Variants in ADCY2 observed in about 807,000 individuals in gnomAD.
ADCY2 encodes adenylate cyclase 2.
Under a neutral mutation model 125.2 loss-of-function variants are expected in ADCY2, and 31 were observed. That is an observed-to-expected ratio of 0.25 (90% CI 0.19 to 0.33). The LOEUF (loss-of-function observed/expected upper bound fraction) is 0.33, where lower values mean the gene tolerates loss of function less well. Among genes scored for constraint, ADCY2 ranks in the 10% least tolerant of loss-of-function variants. The probability of loss-of-function intolerance (pLI) is 1.00; values close to 1 mark genes in which losing one functional copy is unlikely to be tolerated. For synonymous variants in ADCY2, 512 were observed against 548.4 expected, an observed-to-expected ratio of 0.93 and a Z score of 0.93; for missense variants, 904 against 1,418.2, an observed-to-expected ratio of 0.64 and a Z score of 5.82.
At chr5:7,521,721 T>C (rs139935334) in intron 3 of ADCY2, among the ~76,000 whole-genome samples, 2 of 152,336 alleles carry the variant, frequency 1.3e-5, no homozygotes, top group Admixed American at 1.3e-4. Flanking sequence ...TTCTTTCACG[T>C]GATGTGCTAT....
chr5:7,419,280 C>G (rs1203458733), intron 2 of ADCY2, among the ~76,000 whole-genome samples: 14 of 152,078 alleles, frequency 9.2e-5, no homozygotes, highest in Non-Finnish European at 1.9e-4. Context: ...GAACTTGTGA[C>G]AGCCGTTATC....
intron 2 of ADCY2, among the ~76,000 whole-genome samples, chr5:7,508,047 T>C (rs1743909606): frequency 6.6e-6 from 1 of 152,178 alleles, no homozygotes; most frequent in Non-Finnish European, 1.5e-5. Context: ...TATTTCACTT[T>C]TTTCAGTTCT....
chr5:7,474,092 G>C (rs1340856592), intron 2 of ADCY2, among the ~76,000 whole-genome samples: 1 of 152,178 alleles, frequency 6.6e-6, no homozygotes, highest in Non-Finnish European at 1.5e-5. Context: ...TTCAAGGAAT[G>C]GTATGAATTT....
chr5:7,405,961 G>A (rs1000453079), intron 1 of ADCY2, among the ~76,000 whole-genome samples: 8 of 152,086 alleles, frequency 5.3e-5, no homozygotes, highest in African/African-American at 1.7e-4. Flanking sequence ...CTGGGCTCAA[G>A]TTATCCTCCC....
At chr5:7,719,523 A>G (rs1741696870) in intron 12 of ADCY2, among the ~76,000 whole-genome samples, 1 of 152,152 alleles carries the variant, frequency 6.6e-6, no homozygotes, top group East Asian at 1.9e-4. Context: ...TGTACCATTC[A>G]CTTGTTTCCT....
chr5:7,752,869 T>A (rs944782350), intron 15 of ADCY2, among the ~76,000 whole-genome samples: 1 of 149,800 alleles, frequency 6.7e-6, no homozygotes, highest in Non-Finnish European at 1.5e-5. Flanking sequence ...GTTGTCCCCA[T>A]CATCAATTCT....
At chr5:7,768,357 A>G (rs1316450696) in intron 17 of ADCY2, among the ~76,000 whole-genome samples, 2 of 152,138 alleles carry the variant, frequency 1.3e-5, no homozygotes, top group African/African-American at 4.8e-5. Context: ...TTAGAGAAAT[A>G]TTTAAATTAA....
At chr5:7,595,766 G>A (rs1579612237) in intron 3 of ADCY2, among the ~76,000 whole-genome samples, 1 of 151,982 alleles carries the variant, frequency 6.6e-6, no homozygotes, top group South Asian at 2.1e-4. Flanking sequence ...CATCCTCTTG[G>A]ATACATTAAA....
chr5:7,518,665 T>C (rs1446129370), intron 2 of ADCY2, among the ~76,000 whole-genome samples: 1 of 152,178 alleles, frequency 6.6e-6, no homozygotes, highest in Non-Finnish European at 1.5e-5. Context: ...AGATGGTCCA[T>C]GCCCAATCTA....
chr5:7,563,402 A>C (rs1024956504), intron 3 of ADCY2, among the ~76,000 whole-genome samples: 4 of 152,168 alleles, frequency 2.6e-5, no homozygotes, highest in African/African-American at 9.7e-5. Context: ...AGTCCACAGA[A>C]GCTTCTGTGA....
chr5:7,641,849 C>CA (rs145963302), intron 4 of ADCY2, among the ~76,000 whole-genome samples: 31,200 of 152,050 alleles, frequency 0.21, 3,642 homozygotes, highest in East Asian at 0.44. Context: ...CTGGAAAGGA[C>CA]TGATTTTATT....
chr5:7,647,313 C>T (rs144698827), intron 4 of ADCY2, among the ~76,000 whole-genome samples: 1 of 152,192 alleles, frequency 6.6e-6, no homozygotes, highest in East Asian at 1.9e-4. Flanking sequence ...GAAATCTTCC[C>T]GAGACAAATT....
At chr5:7,748,565 A>C (rs76269080) in intron 15 of ADCY2, among the ~76,000 whole-genome samples, 4 of 122,002 alleles carry the variant, frequency 3.3e-5, no homozygotes, top group Non-Finnish European at 5.4e-5. Context: ...CACACACACA[A>C]AATGCTGAAG....
At chr5:7,415,912 A>T (rs1283001903) in intron 2 of ADCY2, among the ~76,000 whole-genome samples, 3 of 151,958 alleles carry the variant, frequency 2.0e-5, no homozygotes, top group Non-Finnish European at 4.4e-5. Context: ...GGAGAGGGTG[A>T]CTGAGTAGCT....
chr5:7,589,458 A>G lies in ADCY2; in HGVS notation c.571-36709A>G, dbSNP rs538403170. Among the ~76,000 whole-genome samples the G allele has an allele frequency of 1.3e-3, 93 of 73,012 alleles. 1 individual carries two copies. The highest frequency in any genetic ancestry group is 4.4e-3 in the African/African-American group (87 of 19,680). The allele number at this position is 73,012 out of a possible 152,430, so 47.9% of individuals were successfully genotyped here. On this transcript the variant is annotated intron_variant, in intron 3 of 24. Coordinates refer to ENST00000338316, the MANE Select transcript of ADCY2 (RefSeq NM_020546.3). ...ATAGAAAGAAAGAAAGAAGGAAAGA[A>G]AAAGAAAGAAAGAAAGAAAGAAAGA... is the stretch of plus-strand genomic sequence containing the variant.
intron 4 of ADCY2, among the ~76,000 whole-genome samples, chr5:7,672,363 C>T (rs1739963961): frequency 6.6e-6 from 1 of 152,130 alleles, no homozygotes; most frequent in African/African-American, 2.4e-5. Context: ...GTCTGCAATG[C>T]CTTTAACTTT....
At chr5:7,692,303 A>C (rs1198427980) in intron 5 of ADCY2, 1 of 152,216 alleles carries the variant, frequency 6.6e-6, no homozygotes, top group Non-Finnish European at 1.5e-5. Flanking sequence ...ATTTGACACC[A>C]GATTTTAGAT....
At chr5:7,520,405 G>T (rs1163369841) in intron 2 of ADCY2, among the ~76,000 whole-genome samples, 2 of 152,134 alleles carry the variant, frequency 1.3e-5, no homozygotes, top group African/African-American at 2.4e-5. Flanking sequence ...CAGTTTGGTA[G>T]ATCACTTCAA....
chr5:7,570,498 G>C (rs922525321), intron 3 of ADCY2, among the ~76,000 whole-genome samples: 4 of 151,814 alleles, frequency 2.6e-5, no homozygotes, highest in Admixed American at 6.6e-5. Flanking sequence ...GCAGTGTTTT[G>C]TCGCCTCTGG....
Sources: gnomAD v4.1 joint callset for allele counts (sites outside exome capture counted in the v4.1 genomes callset) on GRCh38, gnomAD v4.1.1 for gene constraint, MANE v1.5 for transcripts, NCBI Gene and HGNC (gene_info 2026-07-23, HGNC 2026-07-21) for gene names.